The following IL7 variants were observed in gnomAD, a reference collection of about 807,000 sequenced individuals.
IL7 encodes interleukin 7, also known as interleukin-7.
In IL7, 3 loss-of-function variants were observed where a neutral mutation model predicts 21.6. The observed-to-expected ratio is 0.14, with a 90% confidence interval of 0.06 to 0.36. The LOEUF (loss-of-function observed/expected upper bound fraction) is 0.36. Ranked by LOEUF, IL7 falls within the 10% of genes least tolerant of loss-of-function variation. IL7 has a pLI of 1.00. For synonymous variants in IL7, 62 were observed against 68.1 expected, an observed-to-expected ratio of 0.91 and a Z score of 0.44; for missense variants, 175 against 200.2, an observed-to-expected ratio of 0.87 and a Z score of 0.76.
chr8:78,691,475 T>A (rs1298046751), intron 3 of IL7, among the ~76,000 whole-genome samples: 1 of 152,138 alleles, frequency 6.6e-6, no homozygotes, highest in Non-Finnish European at 1.5e-5. Context: ...TATATATGTG[T>A]TTTTGCATTG....
intron 3 of IL7, among the ~76,000 whole-genome samples, chr8:78,688,038 A>G (rs1310592158): frequency 6.7e-6 from 1 of 149,656 alleles, no homozygotes; most frequent in African/African-American, 2.4e-5. Context: ...AACTTCATTT[A>G]CAAAGACAGG....
intron 2 of IL7, chr8:78,761,535 G>T (rs539568501): frequency 6.2e-7 from 1 of 1,611,856 alleles, no homozygotes; most frequent in East Asian, 2.2e-5. Context: ...GCTTCATAAG[G>T]CAGGAAGCCT....
chr8:78,733,761 C>G lies in IL7; in HGVS notation c.486G>C (p.Glu162Asp). The G allele has an allele frequency of 6.2e-7, 1 of 1,600,418 alleles. No individual in the cohort carries two copies. The highest frequency in any genetic ancestry group is 8.5e-7 in the Non-Finnish European group (1 of 1,174,700). The part of the protein sequence containing the change: ...DLCFLKRLLQ[E>D]IKTCWNKILM... The stretch of plus-strand genomic sequence containing the variant: ...AAATTTTATTCCAACAAGTTTTTAT[C>G]TCTTGTAATAGTCTCTTTAGGAAAC... The change falls in exon 6 of 6, where the codon GAG becomes GAC. Residue 162 changes from glutamate to aspartate, a missense_variant. Physicochemically the swap from Glu to Asp is conservative, Grantham distance 45. Transcript: ENST00000263851.
intron 2 of IL7, among the ~76,000 whole-genome samples, chr8:78,756,695 G>C (rs1812360232): frequency 6.6e-6 from 1 of 151,254 alleles, no homozygotes; most frequent in Non-Finnish European, 1.5e-5. Flanking sequence ...TACTTATTTG[G>C]GTCTTCTCTC....
downstream of IL7, among the ~76,000 whole-genome samples, chr8:78,713,110 A>G (rs1459946302): frequency 1.3e-5 from 2 of 152,154 alleles, no homozygotes; most frequent in Non-Finnish European, 2.9e-5. Context: ...TGGATTAAGT[A>G]CAATTCCAAA....
At chr8:78,697,487 C>T (rs763173071) in intron 3 of IL7, 16 of 1,607,262 alleles carry the variant, frequency 1.0e-5, no homozygotes, top group Non-Finnish European at 1.3e-5. Flanking sequence ...AGCCAAGTGG[C>T]GCTGGCAAAA....
At chr8:78,721,043 C>G (rs1811228251) in exon 5 of IL7, 3 of 152,002 alleles carry the variant, frequency 2.0e-5, no homozygotes, top group African/African-American at 7.2e-5. Context: ...TTTATGTGCT[C>G]TTTCTGGATA....
chr8:78,784,472 A>G (rs1206031732), intron 2 of IL7, among the ~76,000 whole-genome samples: 3 of 152,184 alleles, frequency 2.0e-5, no homozygotes, highest in African/African-American at 7.2e-5. Flanking sequence ...CATCTTTACA[A>G]CATAATTTTG....
intron 3 of IL7, among the ~76,000 whole-genome samples, chr8:78,703,232 A>G (rs1478811072): frequency 1.3e-5 from 2 of 152,104 alleles, no homozygotes; most frequent in Non-Finnish European, 2.9e-5. Context: ...CCAGATGGTG[A>G]TGAGAACACT....
At chr8:78,727,534 TTTGAAATTTGC>T (rs1811359074) in intron 3 of IL7, among the ~76,000 whole-genome samples, 1 of 152,076 alleles carries the variant, frequency 6.6e-6, no homozygotes, top group African/African-American at 2.4e-5. Flanking sequence ...AACTAGAAAA[TTTGAAATTTGC>T]TTGAAGTGGA....
chr8:78,785,650 C>G (rs569835924), intron 2 of IL7, among the ~76,000 whole-genome samples: 1 of 152,232 alleles, frequency 6.6e-6, no homozygotes, highest in African/African-American at 2.4e-5. Flanking sequence ...TCGTGTCTGC[C>G]CCCTTCCAGA....
chr8:78,792,922 C>A (rs982290010), intron 2 of IL7, among the ~76,000 whole-genome samples: 7 of 152,064 alleles, frequency 4.6e-5, no homozygotes, highest in Non-Finnish European at 1.0e-4. Context: ...CTACTAGGAA[C>A]ATATCAAGAC....
intron 2 of IL7, among the ~76,000 whole-genome samples, chr8:78,785,536 C>T (rs533176665): frequency 6.6e-6 from 1 of 152,148 alleles, no homozygotes; most frequent in South Asian, 2.1e-4. Context: ...TTTTTCATCT[C>T]ATTCTATTCT....
At chr8:78,804,407 A>T (rs1554545260) in intron 1 of IL7, among the ~76,000 whole-genome samples, 1 of 152,120 alleles carries the variant, frequency 6.6e-6, no homozygotes, top group Non-Finnish European at 1.5e-5. Context: ...GGGGGGAAAA[A>T]TGGGGTTTTC....
intron 3 of IL7, among the ~76,000 whole-genome samples, chr8:78,700,218 T>G: frequency 6.6e-6 from 1 of 152,228 alleles, no homozygotes; most frequent in Non-Finnish European, 1.5e-5. Context: ...TAATGATCAG[T>G]GATGTTGAGC....
chr8:78,697,653 G>T, intron 3 of IL7: 8 of 539,902 alleles, frequency 1.5e-5, no homozygotes, highest in Admixed American at 4.2e-5. Context: ...TTTAAAATAA[G>T]ATAACTTTGA....
intron 3 of IL7, among the ~76,000 whole-genome samples, chr8:78,725,955 C>T (rs908677052): frequency 6.6e-6 from 1 of 151,760 alleles, no homozygotes; most frequent in Non-Finnish European, 1.5e-5. Context: ...GTGAACAAAG[C>T]AGTCAAAAAT....
At chr8:78,778,735 C>A (rs1226890018) in intron 2 of IL7, among the ~76,000 whole-genome samples, 2 of 151,908 alleles carry the variant, frequency 1.3e-5, no homozygotes, top group Non-Finnish European at 2.9e-5. Context: ...TGGCTCTTTT[C>A]TGGGTCCATA....
chr8:78,709,568 A>G (rs1035597734), intron 3 of IL7, among the ~76,000 whole-genome samples: 7 of 152,078 alleles, frequency 4.6e-5, no homozygotes, highest in African/African-American at 1.4e-4. Flanking sequence ...AGGATTGATA[A>G]ATTTAGGATC....
Sources: allele counts gnomAD v4.1 joint callset (sites outside exome capture counted in the v4.1 genomes callset), GRCh38; gene constraint gnomAD v4.1.1; transcripts MANE v1.5; gene names NCBI Gene and HGNC (gene_info 2026-07-23, HGNC 2026-07-21).